CD82: variants seen among roughly 807,000 people sequenced by gnomAD.
The protein encoded by CD82 is CD82 molecule.
Under a neutral mutation model 37.4 loss-of-function variants are expected in CD82, and 36 were observed. That is an observed-to-expected ratio of 0.96 (90% CI 0.74 to 1.27). CD82 has a LOEUF of 1.27. Among genes scored for constraint, CD82 ranks in the 50% most tolerant of loss-of-function variants. The probability of loss-of-function intolerance (pLI) is 0.00; values close to 1 mark genes in which losing one functional copy is unlikely to be tolerated. For missense variants in CD82, 340 were observed against 347.0 expected, an observed-to-expected ratio of 0.98 and a Z score of 0.16; for synonymous variants, 158 against 137.4, an observed-to-expected ratio of 1.15 and a Z score of -1.05.
chr11:44,602,789 A>G (rs924033295), intron 4 of CD82, among the ~76,000 whole-genome samples: 4 of 152,154 alleles, frequency 2.6e-5, no homozygotes, highest in African/African-American at 9.7e-5. Flanking sequence ...GGGGGGAGAC[A>G]GGGAATGGCA....
At chr11:44,568,709 A>G (rs963893950) in intron 1 of CD82, among the ~76,000 whole-genome samples, 9 of 152,062 alleles carry the variant, frequency 5.9e-5, no homozygotes, top group Non-Finnish European at 1.2e-4. Context: ...AGTTTCCGCT[A>G]TGTGGGGGCG....
rs78636349 is a variant in CD82 at position 44,576,028 on chromosome 11, G to A, written c.-103+10292G>A. On this transcript the variant is annotated intron_variant, in intron 1 of 9. Transcript: ENST00000227155. ...GCACCGGCCCCAAGTGAGAGGCCTG[G>A]GGAGGCAGATTCCTCCACACCATCT... Among the ~76,000 whole-genome samples the A allele has an allele frequency of 8.4e-3, 1,279 of 152,296 alleles. 14 individuals are homozygous for A. Among genetic ancestry groups the A allele is most frequent in the African/African-American group, 0.029 (1,199 of 41,548 alleles).
intron 6 of CD82, among the ~76,000 whole-genome samples, chr11:44,607,699 C>T (rs145680384): frequency 6.6e-6 from 1 of 152,306 alleles, no homozygotes; most frequent in East Asian, 1.9e-4. Context: ...AACTGAGGCC[C>T]AGGAAAGCAA....
chr11:44,576,562 GTCAAAGCTC>G (rs1852894320), intron 1 of CD82, among the ~76,000 whole-genome samples: 1 of 152,186 alleles, frequency 6.6e-6, no homozygotes, highest in South Asian at 2.1e-4. Flanking sequence ...CAGCCCAAGG[GTCAAAGCTC>G]TCTTGGGATT....
chr11:44,565,075 C>T (rs1414518199), upstream of CD82, among the ~76,000 whole-genome samples: 5 of 152,260 alleles, frequency 3.3e-5, no homozygotes, highest in Admixed American at 1.3e-4. Context: ...CAAACCGCTC[C>T]CACGCCGTTC....
chr11:44,600,826 A>G (rs1478954485), intron 4 of CD82, among the ~76,000 whole-genome samples: 1 of 152,224 alleles, frequency 6.6e-6, no homozygotes, highest in African/African-American at 2.4e-5. Flanking sequence ...CACCTCACCA[A>G]TGAAGAAACA....
At chr11:44,604,681 G>C in intron 4 of CD82, 1 of 314,584 alleles carries the variant, frequency 3.2e-6, no homozygotes, top group Non-Finnish European at 6.1e-6. Context: ...GTTCGAGCTG[G>C]GGGTTCCCCA....
At chr11:44,618,775 C>G in intron 9 of CD82, 52 bp downstream of exon 9, 1 of 1,475,290 alleles carries the variant, frequency 6.8e-7, no homozygotes, top group Non-Finnish European at 9.4e-7. Context: ...CCTGGGTTGT[C>G]TCTGTTCTGC....
At chr11:44,587,595 A>G (rs2134642770) in intron 2 of CD82, 39 bp downstream of exon 2, 1 of 455,996 alleles carries the variant, frequency 2.2e-6, no homozygotes, top group South Asian at 1.5e-5. Context: ...GTTGGAGGGG[A>G]CACACTTGGG....
chr11:44,616,668 G>A (rs1416485902), intron 7 of CD82, among the ~76,000 whole-genome samples: 1 of 152,238 alleles, frequency 6.6e-6, no homozygotes, highest in Non-Finnish European at 1.5e-5. Flanking sequence ...CCCATGCCGT[G>A]TGAGATACAT....
intron 1 of CD82, among the ~76,000 whole-genome samples, chr11:44,576,084 C>A (rs1417770439): frequency 6.6e-6 from 1 of 152,200 alleles, no homozygotes; most frequent in Non-Finnish European, 1.5e-5. Context: ...ACTTCTTATC[C>A]CCTGACTGAC....
At chr11:44,579,429 G>A (rs958095546) in intron 1 of CD82, among the ~76,000 whole-genome samples, 2 of 152,084 alleles carry the variant, frequency 1.3e-5, no homozygotes, top group Non-Finnish European at 2.9e-5. Flanking sequence ...CCTCACCGCA[G>A]GCTCCCCTAG....
At chr11:44,600,312 G>A (rs545728893) in intron 4 of CD82, 82 bp downstream of exon 4, 4 of 1,323,058 alleles carry the variant, frequency 3.0e-6, no homozygotes, top group South Asian at 1.2e-5. Context: ...TCCCATAAGT[G>A]CTTCGGCTTC....
chr11:44,608,827 G>A (rs1853437906), intron 6 of CD82, among the ~76,000 whole-genome samples: 2 of 152,210 alleles, frequency 1.3e-5, no homozygotes, highest in Admixed American at 6.5e-5. Flanking sequence ...TGTCCCTCCA[G>A]GCCCTTTCTA....
chr11:44,577,629 A>G (rs962997184), intron 1 of CD82, among the ~76,000 whole-genome samples: 5 of 152,192 alleles, frequency 3.3e-5, no homozygotes, highest in Non-Finnish European at 5.9e-5. Context: ...CAAGTCACTT[A>G]TCTTCTCTGA....
chr11:44,582,497 G>A (rs1397216319), intron 1 of CD82, among the ~76,000 whole-genome samples: 2 of 152,220 alleles, frequency 1.3e-5, no homozygotes, highest in African/African-American at 4.8e-5. Flanking sequence ...GTCCTAGATA[G>A]TCTGTTTTAC....
At chr11:44,580,437 G>A (rs996293765) in intron 1 of CD82, among the ~76,000 whole-genome samples, 2 of 152,206 alleles carry the variant, frequency 1.3e-5, no homozygotes, top group African/African-American at 4.8e-5. Context: ...AGTTAGGAAA[G>A]GGTAGACAGG....
intron 9 of CD82, 75 bp downstream of exon 9, chr11:44,618,798 G>T: frequency 7.5e-7 from 1 of 1,329,978 alleles, no homozygotes. Flanking sequence ...ATCTCCTTGG[G>T]GAGGTGGTGG....
chr11:44,605,903 A>G (rs1853388079), intron 6 of CD82, among the ~76,000 whole-genome samples: 1 of 152,228 alleles, frequency 6.6e-6, no homozygotes, highest in Non-Finnish European at 1.5e-5. Flanking sequence ...GTTTAGAAGG[A>G]GACCGTTAAT....
Sources: gnomAD v4.1 joint callset for allele counts (sites outside exome capture counted in the v4.1 genomes callset) on GRCh38, gnomAD v4.1.1 for gene constraint, MANE v1.5 for transcripts, NCBI Gene and HGNC (gene_info 2026-07-23, HGNC 2026-07-21) for gene names.